Variants in HEPHL1 observed in about 807,000 individuals in gnomAD.
HEPHL1 encodes the protein hephaestin like 1.
Under a neutral mutation model 122.0 loss-of-function variants are expected in HEPHL1, and 123 were observed. That is an observed-to-expected ratio of 1.01 (90% CI 0.87 to 1.17). HEPHL1 has a LOEUF of 1.17. Ranked by LOEUF, HEPHL1 falls within the 50% of genes most tolerant of loss-of-function variation. The probability of loss-of-function intolerance (pLI) is 0.00; values close to 1 mark genes in which losing one functional copy is unlikely to be tolerated. For synonymous variants in HEPHL1, 527 were observed against 508.9 expected, an observed-to-expected ratio of 1.04 and a Z score of -0.48; for missense variants, 1,452 against 1,430.5, an observed-to-expected ratio of 1.01 and a Z score of -0.24.
intron 9 of HEPHL1, among the ~76,000 whole-genome samples, chr11:94,081,710 G>A (rs2134438970): frequency 6.6e-6 from 1 of 152,248 alleles, no homozygotes; most frequent in African/African-American, 2.4e-5. Flanking sequence ...TTTTCTTGGT[G>A]ATGCAGGTAC....
chr11:94,080,547 A>G (rs957553673), intron 9 of HEPHL1, among the ~76,000 whole-genome samples: 2 of 152,348 alleles, frequency 1.3e-5, no homozygotes, highest in Middle Eastern at 3.4e-3. Context: ...CAATCTATCC[A>G]TCTGATGAAG....
rs1278429536 is a variant in HEPHL1, at chr11:94,110,934, A to C, written c.3077A>C (p.Asp1026Ala). 1 of 1,612,922 alleles carries C rather than the reference A, an allele frequency of 6.2e-7. No homozygotes were observed. The highest frequency in any genetic ancestry group is 8.5e-7 in the Non-Finnish European group (1 of 1,179,508). Reference sequence around the variant, plus strand: ...AAATCTTACCGAGAAGATGTGTATGATCTCTTTCCTGGGACATTCCAAACC... The same window carrying C: ...AAATCTTACCGAGAAGATGTGTATGCTCTCTTTCCTGGGACATTCCAAACC... ...IDKSYREDVY[D>A]LFPGTFQTIE... Residue 1026 changes from aspartate (D) to alanine (A), a missense_variant, in exon 18 of 20, where the codon GAT becomes GCT. Transcript: ENST00000315765.
chr11:94,026,334 A>G (rs375189017), intron 1 of HEPHL1, among the ~76,000 whole-genome samples: 1 of 152,210 alleles, frequency 6.6e-6, no homozygotes, highest in Non-Finnish European at 1.5e-5. Flanking sequence ...CACAAAGAGG[A>G]CTTGAAAAAA....
intron 17 of HEPHL1, among the ~76,000 whole-genome samples, chr11:94,109,070 G>A (rs573699918): frequency 6.6e-6 from 1 of 152,096 alleles, no homozygotes; most frequent in African/African-American, 2.4e-5. Flanking sequence ...TAGAGATCTT[G>A]CATATACTTT....
intron 1 of HEPHL1, among the ~76,000 whole-genome samples, chr11:94,033,717 C>A (rs994212592): frequency 6.6e-6 from 1 of 152,096 alleles, no homozygotes; most frequent in Non-Finnish European, 1.5e-5. Context: ...AATATGGGGA[C>A]AAACTCACAC....
intron 5 of HEPHL1, 107 bp from the exon 6 acceptor site, chr11:94,070,267 C>A: frequency 9.0e-7 from 1 of 1,108,812 alleles, no homozygotes; most frequent in Non-Finnish European, 1.2e-6. Flanking sequence ...GTCCAATTTT[C>A]TGTACAGAAG....
At chr11:94,055,977 C>G (rs1945933088) in intron 2 of HEPHL1, 1 of 1,280,228 alleles carries the variant, frequency 7.8e-7, no homozygotes, top group Admixed American at 2.1e-5. Flanking sequence ...AGCCATGTTT[C>G]CTTCTGCTGG....
In HEPHL1 at chr11:94,114,126, G is replaced by T. The variant is rs1307281594; in HGVS notation, c.*2232G>T. Among the ~76,000 whole-genome samples the T allele has an allele frequency of 6.6e-6, 1 of 152,070 alleles. No homozygotes were observed. The highest frequency in any genetic ancestry group is 1.5e-5 in the Non-Finnish European group (1 of 68,006). On this transcript the variant is annotated 3_prime_UTR_variant, in exon 20 of 20. Transcript: ENST00000315765. Reference sequence around the variant, plus strand: ...CCCTTGGGTATCCATTTTTCCTCCTGCATCTTTCTATGAAACCATCAGCAA... The same window carrying T: ...CCCTTGGGTATCCATTTTTCCTCCTTCATCTTTCTATGAAACCATCAGCAA...
In HEPHL1 at chr11:94,073,131, C is replaced by G. The variant is rs1335189116; in HGVS notation, c.1339C>G (p.Leu447Val). 5 of 1,613,064 alleles carry G rather than the reference C, an allele frequency of 3.1e-6. No homozygotes were observed. The highest frequency in any genetic ancestry group is 4.2e-6 in the Non-Finnish European group (5 of 1,179,488). Residue 447 changes from leucine to valine, a missense_variant, in exon 7 of 20, where the codon CTC becomes GTC. By Grantham distance (32) the Leu-to-Val change is conservative (BLOSUM62 1). Transcript: ENST00000315765. ...VDATFTKRKR[L>V]SAEEAHLGIL... ...TGCAACTTTTACTAAAAGAAAGAGA[C>G]TCTCTGCTGAAGAAGCCCATCTTGG...
At chr11:94,070,285 G>A in intron 5 of HEPHL1, 89 bp from the exon 6 acceptor site, 1 of 1,344,238 alleles carries the variant, frequency 7.4e-7, no homozygotes, top group Non-Finnish European at 9.9e-7. Context: ...AAGCCTAAAT[G>A]TTCAAGAGCC....
chr11:94,066,135 C>G (rs1946032563), intron 4 of HEPHL1, among the ~76,000 whole-genome samples: 1 of 152,180 alleles, frequency 6.6e-6, no homozygotes, highest in South Asian at 2.1e-4. Context: ...GAGTTTGAGG[C>G]TGCAGTGAAC....
intron 1 of HEPHL1, among the ~76,000 whole-genome samples, chr11:94,032,885 C>T (rs995955268): frequency 6.6e-6 from 1 of 152,078 alleles, no homozygotes; most frequent in Admixed American, 6.6e-5. Context: ...TATGACCTTC[C>T]AGGGACATTC....
At chr11:94,043,603 A>G (rs1945806933) in intron 1 of HEPHL1, among the ~76,000 whole-genome samples, 1 of 152,162 alleles carries the variant, frequency 6.6e-6, no homozygotes, top group Non-Finnish European at 1.5e-5. Context: ...AGAGTGGGAC[A>G]GGTGTGCTCT....
At chr11:94,067,976 G>A (rs1391133995) in intron 5 of HEPHL1, among the ~76,000 whole-genome samples, 1 of 152,192 alleles carries the variant, frequency 6.6e-6, no homozygotes, top group East Asian at 1.9e-4. Flanking sequence ...ATTAAAAATT[G>A]ATGAGACCTT....
chr11:94,104,410 A>C (rs1177339688), intron 15 of HEPHL1, 118 bp from the exon 16 acceptor site: 4 of 692,692 alleles, frequency 5.8e-6, no homozygotes, highest in Non-Finnish European at 9.9e-6. Flanking sequence ...CTGAGAGAAG[A>C]ATCAATTTCT....
intron 4 of HEPHL1, among the ~76,000 whole-genome samples, chr11:94,066,718 T>TA (rs1946037859): frequency 6.6e-6 from 1 of 152,212 alleles, no homozygotes; most frequent in African/African-American, 2.4e-5. Flanking sequence ...TTGTGCTGCC[T>TA]AAGTCATCAG....
chr11:94,039,620 A>T (rs1455375135), intron 1 of HEPHL1, among the ~76,000 whole-genome samples: 5 of 151,430 alleles, frequency 3.3e-5, no homozygotes, highest in African/African-American at 4.9e-5. Context: ...CCTGAATGAC[A>T]ACTGGGTACA....
In HEPHL1 at chr11:94,073,298, A is replaced by G. The variant is rs768597758; in HGVS notation, c.1373-10A>G. On this transcript the variant is annotated splice_polypyrimidine_tract_variant and intron_variant, in intron 7 of 19. Coordinates refer to ENST00000315765, the MANE Select transcript of HEPHL1 (RefSeq NM_001098672.2). ...TTCTCTTCTCTCTCTTCTTCTGGATATTTTTTCAGGCCCAGTCATCAAGGC... is the reference window on the plus strand; with the variant it reads ...TTCTCTTCTCTCTCTTCTTCTGGATGTTTTTTCAGGCCCAGTCATCAAGGC... 97 of 1,609,516 alleles carry G rather than the reference A, an allele frequency of 6.0e-5. No homozygotes were observed. The highest frequency in any genetic ancestry group is 8.1e-5 in the Non-Finnish European group (96 of 1,178,000).
intron 2 of HEPHL1, among the ~76,000 whole-genome samples, chr11:94,047,175 G>A (rs532912668): frequency 6.6e-6 from 1 of 152,302 alleles, no homozygotes; most frequent in African/African-American, 2.4e-5. Flanking sequence ...ACTTTAAGGT[G>A]TAACTATGAA....
Sources: gnomAD v4.1 joint callset for allele counts (sites outside exome capture counted in the v4.1 genomes callset) on GRCh38, gnomAD v4.1.1 for gene constraint, MANE v1.5 for transcripts, NCBI Gene and HGNC (gene_info 2026-07-23, HGNC 2026-07-21) for gene names.